Variants in CACNG3 observed in about 807,000 individuals in gnomAD.
The protein encoded by CACNG3 is voltage-dependent calcium channel gamma-3 subunit.
A neutral mutation model predicts 28.5 loss-of-function variants in CACNG3; 3 were observed. That is an observed-to-expected ratio of 0.11 (90% CI 0.05 to 0.27). The LOEUF is 0.27. Among genes scored for constraint, CACNG3 ranks in the 10% least tolerant of loss-of-function variants. CACNG3 has a pLI of 1.00. For missense variants in CACNG3, 236 were observed against 414.4 expected, an observed-to-expected ratio of 0.57 and a Z score of 3.74; for synonymous variants, 174 against 162.2, an observed-to-expected ratio of 1.07 and a Z score of -0.55.
chr16:24,270,153 C>T (rs900161262), intron 1 of CACNG3, among the ~76,000 whole-genome samples: 7 of 152,118 alleles, frequency 4.6e-5, no homozygotes, highest in African/African-American at 1.7e-4. Flanking sequence ...TACAATAATA[C>T]TTACCTGTTA....
chr16:24,269,515 G>A (rs1330689129), intron 1 of CACNG3, among the ~76,000 whole-genome samples: 1 of 152,096 alleles, frequency 6.6e-6, no homozygotes, highest in Non-Finnish European at 1.5e-5. Flanking sequence ...AGTTTGGGAG[G>A]TCAAGGTGGG....
At position 24,316,212 on chromosome 16, in the gene CACNG3, A is replaced by G. The variant is rs112179826; in HGVS notation, c.212-30522A>G. Among the ~76,000 whole-genome samples, 16 of 100,114 alleles carry G rather than the reference A, an allele frequency of 1.6e-4. 1 individual carries two copies. The highest frequency in any genetic ancestry group is 4.3e-4 in the African/African-American group (15 of 34,944). 65.7% of individuals were successfully genotyped at this position (100,114 alleles called of 152,430 possible). A position where few individuals can be genotyped will look rare whatever the true frequency, so the allele number is the denominator to read the frequency against. ...TGGGGGACTCTCAGGAACCGTCTGG[A>G]CTTTATCCATCATGCAGGGCACCAA... On this transcript the variant is annotated intron_variant, in intron 1 of 3. Coordinates refer to ENST00000005284, the MANE Select transcript of CACNG3 (RefSeq NM_006539.4).
intron 1 of CACNG3, 58 bp downstream of exon 1, chr16:24,257,023 T>A: frequency 9.3e-7 from 1 of 1,078,160 alleles, no homozygotes; most frequent in South Asian, 1.3e-5. Flanking sequence ...TTCTGGTGGG[T>A]GTTTGGAGGA....
chr16:24,317,866 G>C (rs968465840), intron 1 of CACNG3, among the ~76,000 whole-genome samples: 4 of 152,170 alleles, frequency 2.6e-5, no homozygotes, highest in African/African-American at 9.7e-5. Context: ...CTTCAGAAGT[G>C]CTTCCTTGAA....
intron 1 of CACNG3, among the ~76,000 whole-genome samples, chr16:24,305,851 T>G (rs1899178730): frequency 6.6e-6 from 1 of 152,120 alleles, no homozygotes; most frequent in Admixed American, 6.5e-5. Flanking sequence ...AAAATTATTT[T>G]ATAGAGATGA....
intron 1 of CACNG3, among the ~76,000 whole-genome samples, chr16:24,310,183 T>TG (rs58507861): frequency 0.14 from 21,888 of 152,210 alleles, 3,194 homozygotes; most frequent in African/African-American, 0.37. Flanking sequence ...ACAGACTCTG[T>TG]GGACAAATTC....
intron 1 of CACNG3, among the ~76,000 whole-genome samples, chr16:24,281,099 C>G (rs997349268): frequency 5.3e-4 from 80 of 152,282 alleles, no homozygotes; most frequent in African/African-American, 1.8e-3. Flanking sequence ...TCCTCTGCTT[C>G]TTCTCTGTTG....
chr16:24,316,915 C>A (rs1261501483), intron 1 of CACNG3, among the ~76,000 whole-genome samples: 1 of 152,202 alleles, frequency 6.6e-6, no homozygotes, highest in Non-Finnish European at 1.5e-5. Context: ...CCTTAAATAA[C>A]TTCCACGAGT....
rs188472665 is a variant in CACNG3, at chr16:24,309,936, C to T, written c.212-36798C>T. Among the ~76,000 whole-genome samples, 51 of 152,196 alleles carry T rather than the reference C, an allele frequency of 3.4e-4. No individual in the cohort carries two copies. In the East Asian group the frequency reaches 9.3e-3, roughly 28 times the overall value. On this transcript the variant is annotated intron_variant, in intron 1 of 3. Transcript: ENST00000005284. ...CATGCTACATCGCGGGGACTTCAGA[C>T]GTAATTTTAAATAGGACAAAAAGCC...
chr16:24,268,877 A>G (rs551655416), intron 1 of CACNG3, among the ~76,000 whole-genome samples: 1 of 152,338 alleles, frequency 6.6e-6, no homozygotes, highest in African/African-American at 2.4e-5. Flanking sequence ...ACTCTGCGTC[A>G]GGCACGAGTC....
chr16:24,337,652 A>G lies in CACNG3; in HGVS notation c.212-9082A>G, dbSNP rs534777666. Reference sequence around the variant, plus strand: ...GGCAATGTAGTGAGATCCCATTGTTAATAATAATAATAATAATAATAATTT... The same window carrying G: ...GGCAATGTAGTGAGATCCCATTGTTGATAATAATAATAATAATAATAATTT... On this transcript the variant is annotated intron_variant, in intron 1 of 3. Transcript: ENST00000005284. Among the ~76,000 whole-genome samples the G allele has an allele frequency of 1.6e-3, 234 of 150,096 alleles. 1 individual carries two copies. The highest frequency in any genetic ancestry group is 5.5e-3 in the African/African-American group (226 of 41,094).
chr16:24,264,166 A>T (rs1898568398), intron 1 of CACNG3, among the ~76,000 whole-genome samples: 1 of 152,240 alleles, frequency 6.6e-6, no homozygotes, highest in African/African-American at 2.4e-5. Flanking sequence ...TAACCAAGAA[A>T]ACTCTAACCC....
rs189474802 is a variant in CACNG3, at chr16:24,260,213, T to C, written c.211+3248T>C. Among the ~76,000 whole-genome samples the C allele has an allele frequency of 1.2e-4, 18 of 152,324 alleles. No individual in the cohort carries two copies. The East Asian group carries it at 3.5e-3, about 29-fold the overall frequency. On this transcript the variant is annotated intron_variant, in intron 1 of 3. Transcript: ENST00000005284. ...TTTTGAGCCTTGTAAATTACCTAAA[T>C]GGCATTTTTAATCCAAATTTCTGAT... is the stretch of plus-strand genomic sequence containing the variant.
chr16:24,306,284 T>C (rs1361342791), intron 1 of CACNG3, among the ~76,000 whole-genome samples: 1 of 152,216 alleles, frequency 6.6e-6, no homozygotes, highest in Non-Finnish European at 1.5e-5. Flanking sequence ...TATTCTTCCT[T>C]CCGGGCTTTT....
chr16:24,257,368 GGAGAGAGAGAGAGAGAGAGAGAGAGAGA>G (rs71154293), intron 1 of CACNG3, among the ~76,000 whole-genome samples: 14 of 52,842 alleles, frequency 2.6e-4, no homozygotes, highest in East Asian at 2.4e-3. Flanking sequence ...AAGTGAGGGG[GGAGAGAGAGAGAGAGAGAGAGAGAGAGA>G]GAGAGAGAGA....
chr16:24,304,240 TG>T (rs1899153839), intron 1 of CACNG3, among the ~76,000 whole-genome samples: 1 of 152,164 alleles, frequency 6.6e-6, no homozygotes, highest in Non-Finnish European at 1.5e-5. Flanking sequence ...GCAGTCATCA[TG>T]GGAAAAAATA....
chr16:24,321,492 G>A (rs1227142115), intron 1 of CACNG3, among the ~76,000 whole-genome samples: 1 of 152,112 alleles, frequency 6.6e-6, no homozygotes, highest in Admixed American at 6.6e-5. Flanking sequence ...ATAAAGAGTT[G>A]TCTCGGTTAT....
Position 24,351,659 on chromosome 16 carries a change from G to GAAGA in CACNG3, c.296-3173_296-3172insAGAA, listed in dbSNP as rs544832000. On this transcript the variant is annotated intron_variant, in intron 2 of 3. Coordinates refer to ENST00000005284, the MANE Select transcript of CACNG3 (RefSeq NM_006539.4). ...AAGGGGAAGGGGAGGGGGAAAGACA[G>GAAGA]ACGAAAGAAAGAAAGAAAGAAAGAA... Among the ~76,000 whole-genome samples the GAAGA allele has an allele frequency of 6.1e-5, 4 of 65,360 alleles. No homozygotes were observed. The Admixed American group carries it at 7.5e-4, about 12-fold the overall frequency. The allele number at this position is 65,360 out of a possible 152,430, so 42.9% of individuals were successfully genotyped here.
chr16:24,318,009 T>A (rs1293478750), intron 1 of CACNG3, among the ~76,000 whole-genome samples: 2 of 152,120 alleles, frequency 1.3e-5, no homozygotes, highest in African/African-American at 4.8e-5. Flanking sequence ...AGATGCCCCT[T>A]CTCTGAGAGG....
Sources: gnomAD v4.1 joint callset for allele counts (sites outside exome capture counted in the v4.1 genomes callset) on GRCh38, gnomAD v4.1.1 for gene constraint, MANE v1.5 for transcripts, NCBI Gene and HGNC (gene_info 2026-07-23, HGNC 2026-07-21) for gene names.